CACNA1C: variants seen among roughly 807,000 people sequenced by gnomAD.
CACNA1C encodes calcium voltage-gated channel subunit alpha1 C.
CACNA1C carries 30 observed loss-of-function variants against 229.0 expected under a neutral mutation model. That is an observed-to-expected ratio of 0.13 (90% CI 0.10 to 0.18). The LOEUF (loss-of-function observed/expected upper bound fraction) is 0.18, where lower values mean the gene tolerates loss of function less well. Ranked by LOEUF, CACNA1C falls within the 10% of genes least tolerant of loss-of-function variation. The probability of loss-of-function intolerance (pLI) is 1.00; values close to 1 mark genes in which losing one functional copy is unlikely to be tolerated. For synonymous variants in CACNA1C, 1,114 were observed against 1,132.5 expected (o/e 0.98, Z 0.33); for missense variants, 1,658 against 2,845.0 (o/e 0.58, Z 9.49).
At position 2,608,541 on chromosome 12, in the gene CACNA1C, G is replaced by A. The variant is rs188224114; in HGVS notation, c.3387G>A (p.Thr1129=). The change falls in exon 27 of 47, where the codon ACG becomes ACA. Residue 1129 remains threonine, a synonymous_variant. Coordinates refer to ENST00000399655, the MANE Select transcript of CACNA1C (RefSeq NM_000719.7). The surrounding 1 kb of genome is among the most constrained non-coding windows in gnomAD (Gnocchi z 4.2). ...TGTACCGCTCCATCGACTCCCACAC[G>A]GAAGACAAGGGCCCCATCTACAACT... ...ELLYRSIDSH[T]EDKGPIYNYR... 1,814 of 1,612,720 alleles carry A rather than the reference G, an allele frequency of 1.1e-3. 17 individuals carry two copies. The African/African-American group carries it at 0.017, about 15-fold the overall frequency.
intron 3 of CACNA1C, among the ~76,000 whole-genome samples, chr12:2,141,059 C>T (rs540205515): frequency 6.6e-5 from 10 of 151,032 alleles, no homozygotes; most frequent in African/African-American, 2.4e-4. Flanking sequence ...CTGGGCAGAC[C>T]TGGGGAGGAG....
chr12:2,382,219 A>G (rs2098267137), intron 3 of CACNA1C, among the ~76,000 whole-genome samples: 1 of 152,262 alleles, frequency 6.6e-6, no homozygotes, highest in African/African-American at 2.4e-5. Flanking sequence ...TTTGTCCACC[A>G]TTAGAAACCA....
intron 1 of CACNA1C, among the ~76,000 whole-genome samples, chr12:2,013,905 G>A (rs2044864547): frequency 6.6e-6 from 1 of 152,290 alleles, no homozygotes; most frequent in Admixed American, 6.5e-5. Flanking sequence ...TTTAGAAGTA[G>A]GGTTTGAGCA....
At chr12:2,248,741 T>C (rs1265874744) in intron 3 of CACNA1C, among the ~76,000 whole-genome samples, 1 of 152,242 alleles carries the variant, frequency 6.6e-6, no homozygotes, top group African/African-American at 2.4e-5. Context: ...TGTTGCCTCC[T>C]GGCAAGAGGG....
intron 3 of CACNA1C, among the ~76,000 whole-genome samples, chr12:2,401,694 T>C (rs1015264750): frequency 6.6e-6 from 1 of 152,240 alleles, no homozygotes; most frequent in Non-Finnish European, 1.5e-5. Context: ...TTCTTTAAAA[T>C]GGACATAATA....
At chr12:2,100,484 A>AC (rs954752354) in intron 1 of CACNA1C, among the ~76,000 whole-genome samples, 6 of 150,030 alleles carry the variant, frequency 4.0e-5, no homozygotes, top group South Asian at 2.1e-4. Flanking sequence ...AAAAAACAAA[A>AC]AAAAAAAACA....
Position 2,602,809 on chromosome 12 carries a change from C to T in CACNA1C, c.2960+849C>T, listed in dbSNP as rs376389503. ...ATTACCAGTTTCTACCAAGTTCTAA[C>T]AGCTGATAGTGTGAATCCTACACTT... On this transcript the variant is annotated intron_variant, in intron 22 of 46. Coordinates refer to ENST00000399655, the MANE Select transcript of CACNA1C (RefSeq NM_000719.7). The surrounding 1 kb of genome is among the most constrained non-coding windows in gnomAD (Gnocchi z 4.4). 6.6e-6 allele frequency among the ~76,000 whole-genome samples: 1 copy of T among 152,160 alleles called. No individual in the cohort carries two copies. Among genetic ancestry groups the T allele is most frequent in the African/African-American group, 2.4e-5 (1 of 41,436 alleles).
chr12:2,136,931 C>G (rs990414169), intron 3 of CACNA1C, among the ~76,000 whole-genome samples: 2 of 151,512 alleles, frequency 1.3e-5, no homozygotes, highest in South Asian at 2.1e-4. Context: ...AGGGACCCTT[C>G]TCGTGGACTG....
intron 3 of CACNA1C, among the ~76,000 whole-genome samples, chr12:2,377,823 G>C (rs1394369223): frequency 6.6e-6 from 1 of 152,206 alleles, no homozygotes; most frequent in Non-Finnish European, 1.5e-5. Context: ...AGCTCCTTCT[G>C]CTTCTCCATG....
chr12:2,498,451 A>C (rs2099751671), intron 7 of CACNA1C, among the ~76,000 whole-genome samples: 2 of 152,184 alleles, frequency 1.3e-5, no homozygotes, highest in Admixed American at 1.3e-4. Context: ...GCCATTCTTT[A>C]TTTATTTATT....
intron 3 of CACNA1C, among the ~76,000 whole-genome samples, chr12:2,121,242 A>C (rs2086582747): frequency 6.6e-6 from 1 of 152,204 alleles, no homozygotes; most frequent in Non-Finnish European, 1.5e-5. Flanking sequence ...TTTGGTCATC[A>C]GAGCCACCGT....
chr12:2,439,634 C>T (rs1040797651), intron 3 of CACNA1C, among the ~76,000 whole-genome samples: 2 of 152,052 alleles, frequency 1.3e-5, no homozygotes, highest in Non-Finnish European at 2.9e-5. Context: ...AAAGCATACT[C>T]GCAAGAAACT....
At chr12:2,371,011 G>C (rs530045578) in intron 3 of CACNA1C, among the ~76,000 whole-genome samples, 2 of 152,316 alleles carry the variant, frequency 1.3e-5, no homozygotes, top group African/African-American at 4.8e-5. Flanking sequence ...TCTGGAAACT[G>C]TTACATAAGG....
chr12:2,195,955 C>G (rs1048398939), intron 3 of CACNA1C, among the ~76,000 whole-genome samples: 2 of 152,322 alleles, frequency 1.3e-5, no homozygotes, highest in East Asian at 3.9e-4. Flanking sequence ...TGGAGCATCG[C>G]TGGCAGAGGA....
chr12:2,375,354 C>T (rs190917253), intron 3 of CACNA1C, among the ~76,000 whole-genome samples: 15 of 152,196 alleles, frequency 9.9e-5, no homozygotes, highest in African/African-American at 3.1e-4. Flanking sequence ...GTGAATGATG[C>T]CCGGTGTCGT....
chr12:2,194,065 A>G (rs2097323528), intron 3 of CACNA1C, among the ~76,000 whole-genome samples: 1 of 152,054 alleles, frequency 6.6e-6, no homozygotes, highest in South Asian at 2.1e-4. Context: ...TCTTAGAGTC[A>G]GCGGATTCCC....
chr12:2,397,465 A>G (rs1367063022), intron 3 of CACNA1C, among the ~76,000 whole-genome samples: 2 of 152,242 alleles, frequency 1.3e-5, no homozygotes, highest in Non-Finnish European at 2.9e-5. Flanking sequence ...GGAGCAAGTC[A>G]GGTAAGCAGC....
At chr12:2,204,950 ATTAAT>A (rs140491982) in intron 3 of CACNA1C, among the ~76,000 whole-genome samples, 50,649 of 150,806 alleles carry the variant, frequency 0.34, 9,028 homozygotes, top group South Asian at 0.39. Context: ...AAAAAAATAA[ATTAAT>A]TAAAAAAAAC....
At chr12:2,066,580 A>G (rs2059348558) in intron 1 of CACNA1C, among the ~76,000 whole-genome samples, 1 of 152,154 alleles carries the variant, frequency 6.6e-6, no homozygotes, top group African/African-American at 2.4e-5. Context: ...GAACTGTGCA[A>G]TGATGAGGCG....
Sources: gnomAD v4.1 joint callset for allele counts (sites outside exome capture counted in the v4.1 genomes callset) on GRCh38, gnomAD v4.1.1 for gene constraint, Gnocchi (gnomAD v3.1) non-coding constraint, MANE v1.5 for transcripts, NCBI Gene and HGNC (gene_info 2026-07-23, HGNC 2026-07-21) for gene names.